AIFM1: variants seen among roughly 807,000 people sequenced by gnomAD.
AIFM1 encodes apoptosis-inducing factor 1, mitochondrial.
Under a neutral mutation model 51.7 loss-of-function variants are expected in AIFM1, and 3 were observed. The ratio of observed to expected loss-of-function variants is 0.06; its 90% CI spans 0.03 to 0.15. AIFM1 has a LOEUF of 0.15. AIFM1 is among the 10% of genes least tolerant of loss of function. AIFM1 has a pLI of 1.00. For synonymous variants in AIFM1, 178 were observed against 179.4 expected, an observed-to-expected ratio of 0.99 and a Z score of 0.06; for missense variants, 330 against 476.8, an observed-to-expected ratio of 0.69 and a Z score of 2.87.
At chrX:130,157,339 T>A (rs759750545) in intron 1 of AIFM1, among the ~76,000 whole-genome samples, 8 of 112,319 alleles carry the variant, frequency 7.1e-5, no homozygotes, top group Non-Finnish European at 1.3e-4. Context: ...ATATAAGAGT[T>A]CTGTAGATTT....
intron 1 of AIFM1, among the ~76,000 whole-genome samples, chrX:130,157,431 T>C (rs1220184941): frequency 8.9e-6 from 1 of 112,037 alleles, no homozygotes; most frequent in Admixed American, 9.5e-5. Context: ...CTCGTGTTTG[T>C]TGACTATCAA....
chrX:130,161,404 G>A (rs1156597589), intron 1 of AIFM1, among the ~76,000 whole-genome samples: 3 of 106,122 alleles, frequency 2.8e-5, no homozygotes, highest in East Asian at 3.1e-4. Context: ...CCAGCTACTC[G>A]GGAGGCTGAG....
At chrX:130,131,459 C>A (rs2030075787) in intron 14 of AIFM1, among the ~76,000 whole-genome samples, 1 of 112,474 alleles carries the variant, frequency 8.9e-6, no homozygotes, top group Non-Finnish European at 1.9e-5. Context: ...CAGATACCCA[C>A]AATATTTGAA....
At chrX:130,132,061 G>A (rs1053403500) in intron 13 of AIFM1, among the ~76,000 whole-genome samples, 7 of 111,098 alleles carry the variant, frequency 6.3e-5, no homozygotes, top group African/African-American at 9.8e-5. Context: ...TAGTAGAGAC[G>A]GGGTTTTACC....
intron 6 of AIFM1, 140 bp from the exon 7 acceptor site, chrX:130,140,757 C>G (rs184062907): frequency 1.3e-4 from 65 of 510,325 alleles, no homozygotes; most frequent in Non-Finnish European, 8.2e-5. Flanking sequence ...AAGGTTGTGC[C>G]ACCATCACCA....
At chrX:130,134,784 A>T (rs1270655638) in intron 12 of AIFM1, among the ~76,000 whole-genome samples, 1 of 111,889 alleles carries the variant, frequency 8.9e-6, no homozygotes, top group Admixed American at 9.5e-5. Context: ...CCCCAAAGCA[A>T]CCTAAAAATC....
rs780436043 is a variant in AIFM1, at chrX:130,165,746, C to T, written c.-90G>A. ...CACCGTGAGCCCCGGCCAGCTCCCC[C>T]AGTCTCTTCACACGCACATTACGCA... On this transcript the variant is annotated 5_prime_UTR_variant, in exon 1 of 16. Transcript: ENST00000287295. 4.0e-6 allele frequency: 3 copies of T among 755,608 alleles called. No individual in the cohort carries two copies. Among genetic ancestry groups the T allele is most frequent in the East Asian group, 3.5e-5 (1 of 28,834 alleles). 62.3% of individuals were successfully genotyped at this position (755,608 alleles called of 1,213,427 possible).
At position 130,130,071 on chromosome X, in the gene AIFM1, C is replaced by T; in HGVS notation, c.1669G>A (p.Gly557Arg). Reference protein sequence around the residue: ...TPAVPQAPVQGEDYGKGVIFY... With the variant: ...TPAVPQAPVQREDYGKGVIFY... ...ATGACACCTTTGCCGTAGTCCTCCCCCTGGACGGGAGCCTGTGGAACTGCC... is the reference window on the plus strand; with the variant it reads ...ATGACACCTTTGCCGTAGTCCTCCCTCTGGACGGGAGCCTGTGGAACTGCC... The change falls in exon 15 of 16, where the codon GGG becomes AGG. Residue 557 changes from glycine (G) to arginine (R), a missense_variant. Gly to Arg is a moderately radical substitution (Grantham distance 125). Coordinates refer to ENST00000287295, the MANE Select transcript of AIFM1 (RefSeq NM_004208.4). 2 of 1,211,824 alleles carry T rather than the reference C, an allele frequency of 1.7e-6. No individual in the cohort carries two copies. The highest frequency in any genetic ancestry group is 3.5e-5 in the African/African-American group (2 of 57,810).
At chrX:130,154,461 A>C (rs1339359339) in intron 2 of AIFM1, among the ~76,000 whole-genome samples, 1 of 112,444 alleles carries the variant, frequency 8.9e-6, no homozygotes, top group African/African-American at 3.2e-5. Context: ...GAAATGCAAA[A>C]AGTAAGGCTC....
At chrX:130,138,261 C>T (rs1034914377) in intron 9 of AIFM1, among the ~76,000 whole-genome samples, 10 of 110,545 alleles carry the variant, frequency 9.0e-5, no homozygotes, top group South Asian at 3.8e-4. Context: ...GTCAGGAGAT[C>T]GAGACAGTCC....
At position 130,165,598 on chromosome X, in the gene AIFM1, A is replaced by C; in HGVS notation, c.59T>G (p.Val20Gly). The C allele has an allele frequency of 8.3e-7, 1 of 1,202,187 alleles. No homozygotes were observed. The highest frequency in any genetic ancestry group is 1.1e-6 in the Non-Finnish European group (1 of 890,457). ...CGGGCTTCGGACGCACACGGTCCGCACCAAGGGCACCAGCTTCTGCTTCAA... is the reference window on the plus strand; with the variant it reads ...CGGGCTTCGGACGCACACGGTCCGCCCCAAGGGCACCAGCTTCTGCTTCAA... The part of the protein sequence containing the change: ...GALKQKLVPL[V>G]RTVCVRSPRQ... Residue 20 changes from valine (V) to glycine (G), a missense_variant, in exon 1 of 16, where the codon GTG becomes GGG. Transcript: ENST00000287295.
At position 130,136,864 on chromosome X, in the gene AIFM1, G is replaced by C. The variant is rs775652113; in HGVS notation, c.1076-133C>G. On this transcript the variant is annotated intron_variant, in intron 10 of 15. Coordinates refer to ENST00000287295, the MANE Select transcript of AIFM1 (RefSeq NM_004208.4). ...CACAGGCAGTTTTGGAGAGCTGCAAGAACCTACACCCATGGTTCATTTTCA... is the reference window on the plus strand; with the variant it reads ...CACAGGCAGTTTTGGAGAGCTGCAACAACCTACACCCATGGTTCATTTTCA... The C allele has an allele frequency of 8.0e-6, 8 of 999,909 alleles. 1 individual carries two copies. In the South Asian group the frequency reaches 1.6e-4, roughly 20 times the overall value. The allele number at this position is 999,909 out of a possible 1,213,427, so 82.4% of individuals were successfully genotyped here. A position where few individuals can be genotyped will look rare whatever the true frequency, so the allele number is the denominator to read the frequency against.
In AIFM1 at chrX:130,133,428, T is replaced by C; in HGVS notation, c.1333A>G (p.Ile445Val). Residue 445 changes from isoleucine (I) to valine (V), a missense_variant, in exon 13 of 16, where the codon ATA (isoleucine) becomes GTA (valine). By Grantham distance (29) the Ile-to-Val change is conservative. Coordinates refer to ENST00000287295, the MANE Select transcript of AIFM1 (RefSeq NM_004208.4). ...TCTACCCGCCTCCTTCCCAACTTTA[T>C]ATCGTAGAAGCATGCAGCATCTCCT... Reference protein sequence around the residue: ...VAGDAACFYDIKLGRRRVEHH... With the variant: ...VAGDAACFYDVKLGRRRVEHH... 1 of 1,209,786 alleles carries C rather than the reference T, an allele frequency of 8.3e-7. No individual in the cohort carries two copies. Among genetic ancestry groups the C allele is most frequent in the Non-Finnish European group, 1.1e-6 (1 of 895,083 alleles).
chrX:130,147,967 CA>C, intron 3 of AIFM1, 91 bp from the exon 4 acceptor site: 1 of 1,084,317 alleles, frequency 9.2e-7, no homozygotes, highest in Non-Finnish European at 1.3e-6. Flanking sequence ...GCACTTGTCT[CA>C]ATCCTCCACA....
chrX:130,138,325 C>T (rs2030443934), intron 9 of AIFM1, among the ~76,000 whole-genome samples: 1 of 110,022 alleles, frequency 9.1e-6, no homozygotes, highest in Non-Finnish European at 1.9e-5. Context: ...ATTAGCCAGG[C>T]GTGGTTACAG....
intron 5 of AIFM1, among the ~76,000 whole-genome samples, chrX:130,147,221 G>A (rs2030790061): frequency 8.9e-6 from 1 of 112,293 alleles, no homozygotes; most frequent in Non-Finnish European, 1.9e-5. Flanking sequence ...TTCACCTAAA[G>A]AAGCTTAACA....
At chrX:130,158,704 TAAAAAA>T (rs56253125) in intron 1 of AIFM1, among the ~76,000 whole-genome samples, 6 of 44,066 alleles carry the variant, frequency 1.4e-4, no homozygotes, top group Admixed American at 3.1e-4. Context: ...GCTGATGAGC[TAAAAAA>T]AAAAAAAAAA....
rs1309821432 is a variant in AIFM1 at position 130,129,453 on chromosome X, C to G, written c.*104G>C. ...AATATTCACAAAGGACTTGATCATTCACACTCATACACAGAGAAAGTCTGC... is the reference window on the plus strand; with the variant it reads ...AATATTCACAAAGGACTTGATCATTGACACTCATACACAGAGAAAGTCTGC... On this transcript the variant is annotated 3_prime_UTR_variant, in exon 16 of 16. Transcript: ENST00000287295. The G allele has an allele frequency of 3.1e-6, 2 of 637,576 alleles. No homozygotes were observed. Among genetic ancestry groups the G allele is most frequent in the Admixed American group, 2.3e-5 (1 of 44,212 alleles). The allele number at this position is 637,576 out of a possible 1,213,427, so 52.5% of individuals were successfully genotyped here. A position where few individuals can be genotyped will look rare whatever the true frequency, so the allele number is the denominator to read the frequency against.
intron 1 of AIFM1, among the ~76,000 whole-genome samples, chrX:130,164,109 A>C (rs2031449109): frequency 9.4e-6 from 1 of 106,255 alleles, no homozygotes; most frequent in Non-Finnish European, 1.9e-5. Flanking sequence ...CGGAGATTGC[A>C]GTGAGCCGAG....
Sources: gnomAD v4.1 joint callset for allele counts (sites outside exome capture counted in the v4.1 genomes callset) on GRCh38, gnomAD v4.1.1 for gene constraint, MANE v1.5 for transcripts, NCBI Gene and HGNC (gene_info 2026-07-23, HGNC 2026-07-21) for gene names.